TPCN1: variants seen among roughly 807,000 people sequenced by gnomAD.
The protein encoded by TPCN1 is two pore segment channel 1, also known as two pore channel protein 1.
In TPCN1, 52 loss-of-function variants were observed where a neutral mutation model predicts 108.8. The ratio of observed to expected loss-of-function variants is 0.48; its 90% CI spans 0.38 to 0.60. The LOEUF is 0.60. Among genes scored for constraint, TPCN1 ranks in the 20% least tolerant of loss-of-function variants. TPCN1 has a pLI of 0.00. For missense variants in TPCN1, 806 were observed against 1,072.8 expected (o/e 0.75, Z 3.47); for synonymous variants, 446 against 433.7 (o/e 1.03, Z -0.35).
chr12:113,247,353 G>T (rs1166437828), intron 2 of TPCN1, among the ~76,000 whole-genome samples: 1 of 152,174 alleles, frequency 6.6e-6, no homozygotes, highest in South Asian at 2.1e-4. Flanking sequence ...ACCAGGACTT[G>T]GCTATCAGCC....
At chr12:113,247,731 A>T (rs1401168896) in intron 2 of TPCN1, among the ~76,000 whole-genome samples, 1 of 152,240 alleles carries the variant, frequency 6.6e-6, no homozygotes, top group African/African-American at 2.4e-5. Context: ...CTAAATATGT[A>T]GCCCAGTTGC....
intron 2 of TPCN1, among the ~76,000 whole-genome samples, chr12:113,234,158 G>A (rs1953797618): frequency 6.6e-6 from 1 of 152,160 alleles, no homozygotes; most frequent in Admixed American, 6.5e-5. Context: ...GAGAAGCTCC[G>A]AGACAGGGCA....
intron 1 of TPCN1, among the ~76,000 whole-genome samples, chr12:113,222,346 C>CA (rs1953272924): frequency 2.0e-5 from 3 of 152,220 alleles, no homozygotes; most frequent in Middle Eastern, 3.2e-3. Flanking sequence ...TCAATTTCCT[C>CA]ATTCCTAAAG....
chr12:113,242,892 G>GA lies in TPCN1; in HGVS notation c.112+15929dup, dbSNP rs1238127356. On this transcript the variant is annotated intron_variant, in intron 2 of 27. Transcript: ENST00000335509. Reference sequence around the variant, plus strand: ...GCCCTTGTCATCCCAGCCCATTTTAGATCTCAGTGCACCAGAGTCACGATC... The same window carrying GA: ...GCCCTTGTCATCCCAGCCCATTTTAGAATCTCAGTGCACCAGAGTCACGATC... 1.4e-4 allele frequency among the ~76,000 whole-genome samples: 22 copies of GA among 152,284 alleles called. No individual in the cohort carries two copies. The East Asian group carries it at 3.5e-3, about 24-fold the overall frequency.
At position 113,232,788 on chromosome 12, in the gene TPCN1, A is replaced by G. The variant is rs1953737045; in HGVS notation, c.112+5824A>G. On this transcript the variant is annotated intron_variant, in intron 2 of 27. Transcript: ENST00000335509. The surrounding 1 kb of genome is among the most constrained non-coding windows in gnomAD (Gnocchi z 5.6). ...TCATAGGCATTATTATCATGGCAGAAACTGGGCTTCCTTGGAATATCCTCC... is the reference window on the plus strand; with the variant it reads ...TCATAGGCATTATTATCATGGCAGAGACTGGGCTTCCTTGGAATATCCTCC... Among the ~76,000 whole-genome samples the G allele has an allele frequency of 6.6e-6, 1 of 152,182 alleles. No individual in the cohort carries two copies. Among genetic ancestry groups the G allele is most frequent in the Non-Finnish European group, 1.5e-5 (1 of 68,044 alleles).
At chr12:113,280,625 G>C (rs557023348) in intron 15 of TPCN1, among the ~76,000 whole-genome samples, 1 of 152,328 alleles carries the variant, frequency 6.6e-6, no homozygotes, top group South Asian at 2.1e-4. Context: ...GCCACATGTG[G>C]CAATTTACAT....
chr12:113,236,580 C>T (rs766122890), intron 2 of TPCN1, among the ~76,000 whole-genome samples: 13 of 151,414 alleles, frequency 8.6e-5, no homozygotes, highest in Non-Finnish European at 1.0e-4. Context: ...CACTGCACTC[C>T]AGCCTGCCTG....
rs1267405530 is a variant in TPCN1 at position 113,268,222 on chromosome 12, G to T, written c.528+266G>T. On this transcript the variant is annotated intron_variant, in intron 5 of 27. Coordinates refer to ENST00000335509, the MANE Select transcript of TPCN1 (RefSeq NM_017901.6). The surrounding 1 kb of genome is among the most constrained non-coding windows in gnomAD (Gnocchi z 7.3). The stretch of plus-strand genomic sequence containing the variant: ...CGAGAGAGATGTGCTGCTCTCCGTG[G>T]TTTACATTCATCTGGAGACATGGGG... Among the ~76,000 whole-genome samples the T allele has an allele frequency of 6.6e-6, 1 of 152,212 alleles. No individual in the cohort carries two copies.
intron 2 of TPCN1, among the ~76,000 whole-genome samples, chr12:113,238,620 T>C (rs1953984023): frequency 6.6e-6 from 1 of 152,236 alleles, no homozygotes; most frequent in Non-Finnish European, 1.5e-5. Context: ...GCTGAAGGCC[T>C]TGAGAGCCTT....
chr12:113,226,960 C>T lies in TPCN1; in HGVS notation c.108C>T (p.Ser36=). Residue 36 remains serine, a synonymous_variant, in exon 2 of 28, where the codon AGC becomes AGT. Transcript: ENST00000335509. The part of the protein sequence containing the change: ...SNGLGQEELP[S]KNGGSYAIHD... ...GCCTGGGCCAAGAAGAGCTACCTAG[C>T]AAAAGTAAGATGGTGGGGTGGGCTG... 2.5e-6 allele frequency: 4 copies of T among 1,611,984 alleles called. No homozygotes were observed. The highest frequency in any genetic ancestry group is 3.4e-6 in the Non-Finnish European group (4 of 1,179,082).
chr12:113,243,379 A>AAAG (rs1954224977), intron 2 of TPCN1, among the ~76,000 whole-genome samples: 1 of 151,944 alleles, frequency 6.6e-6, no homozygotes, highest in East Asian at 1.9e-4. Context: ...CAAAAAAAAA[A>AAAG]AAATACTACA....
chr12:113,261,531 C>T (rs138287233), intron 3 of TPCN1, among the ~76,000 whole-genome samples: 4,675 of 149,660 alleles, frequency 0.031, 128 homozygotes, highest in Middle Eastern at 0.078. Context: ...CGGGTTCAAG[C>T]GATTTTCCTG....
intron 2 of TPCN1, among the ~76,000 whole-genome samples, chr12:113,257,541 A>T (rs545673423): frequency 3.9e-5 from 6 of 152,102 alleles, no homozygotes; most frequent in Non-Finnish European, 8.8e-5. Context: ...GTTGGTGGAG[A>T]TGTGGAGGAA....
chr12:113,295,123 G>A (rs923928399), intron 27 of TPCN1, among the ~76,000 whole-genome samples: 5 of 152,188 alleles, frequency 3.3e-5, no homozygotes, highest in Non-Finnish European at 7.4e-5. Context: ...GGGGATGACT[G>A]TGCAGCAGCA....
chr12:113,265,888 C>T (rs893312039), intron 3 of TPCN1, among the ~76,000 whole-genome samples: 7 of 152,246 alleles, frequency 4.6e-5, no homozygotes, highest in Middle Eastern at 3.4e-3. Context: ...CCTTGGCCTC[C>T]GGAGTAGCTG....
rs999648909 is a variant in TPCN1, at chr12:113,288,511, G to A, written c.1707-247G>A. On this transcript the variant is annotated intron_variant, in intron 20 of 27. Transcript: ENST00000335509. The surrounding 1 kb of genome is among the most constrained non-coding windows in gnomAD (Gnocchi z 4.8). ...CATTCACAGGTAAGGGGTCACCTGT[G>A]AGTCTACCTTCACAGGTAAGGGGTG... The A allele has an allele frequency of 4.7e-6, 7 of 1,498,574 alleles. No homozygotes were observed. In the South Asian group the frequency reaches 8.9e-5, roughly 19 times the overall value. 92.8% of individuals were successfully genotyped at this position (1,498,574 alleles called of 1,614,324 possible).
At chr12:113,240,046 C>T (rs992404760) in intron 2 of TPCN1, among the ~76,000 whole-genome samples, 1 of 152,030 alleles carries the variant, frequency 6.6e-6, no homozygotes, top group Admixed American at 6.6e-5. Flanking sequence ...TCTCTTCTTG[C>T]GGGCTCGGCT....
In TPCN1 at chr12:113,273,735, G is replaced by A; in HGVS notation, c.942+67G>A. 1.6e-6 allele frequency: 2 copies of A among 1,281,596 alleles called. No homozygotes were observed. The highest frequency in any genetic ancestry group is 4.6e-5 in the East Asian group (2 of 43,364). The allele number at this position is 1,281,596 out of a possible 1,614,324, so 79.4% of individuals were successfully genotyped here. Reference sequence around the variant, plus strand: ...CTACCCATGCAGCACTAGGCACTGTGGGAGTGGAGAAGTGGGGACTGTCTT... The same window carrying A: ...CTACCCATGCAGCACTAGGCACTGTAGGAGTGGAGAAGTGGGGACTGTCTT... On this transcript the variant is annotated intron_variant, in intron 10 of 27. Coordinates refer to ENST00000335509, the MANE Select transcript of TPCN1 (RefSeq NM_017901.6). This position sits in a 1 kb window ranked among gnomAD's most constrained non-coding sequence, Gnocchi z 4.0.
At chr12:113,287,343 C>A (rs1956117379) in intron 19 of TPCN1, 1 of 506,386 alleles carries the variant, frequency 2.0e-6, no homozygotes. Context: ...TCATGTGCAC[C>A]CCACCTGAGG....
Sources: gnomAD v4.1 joint callset for allele counts (sites outside exome capture counted in the v4.1 genomes callset) on GRCh38, gnomAD v4.1.1 for gene constraint, Gnocchi (gnomAD v3.1) non-coding constraint, MANE v1.5 for transcripts, NCBI Gene and HGNC (gene_info 2026-07-23, HGNC 2026-07-21) for gene names.